Variants in CEP63 observed in about 807,000 individuals in gnomAD.
CEP63 encodes centrosomal protein of 63 kDa.
In CEP63, 84 loss-of-function variants were observed where a neutral mutation model predicts 89.1. The observed-to-expected ratio is 0.94, with a 90% CI of 0.79 to 1.13. The LOEUF (loss-of-function observed/expected upper bound fraction) is 1.13, where lower values mean the gene tolerates loss of function less well. Among genes scored for constraint, CEP63 ranks in the 50% most tolerant of loss-of-function variants. The probability of loss-of-function intolerance (pLI) is 0.00; values close to 1 mark genes in which losing one functional copy is unlikely to be tolerated. For synonymous variants in CEP63, 267 were observed against 272.5 expected (o/e 0.98, Z 0.20); for missense variants, 838 against 813.3 (o/e 1.03, Z -0.37).
intron 3 of CEP63, among the ~76,000 whole-genome samples, chr3:134,517,171 T>A (rs1946439373): frequency 6.6e-6 from 1 of 152,210 alleles, no homozygotes; most frequent in Non-Finnish European, 1.5e-5. Context: ...CCTTGCTCTC[T>A]GTGTCCTCAC....
At chr3:134,674,664 A>G in the CEP63 span, among the ~76,000 whole-genome samples, 1 of 152,220 alleles carries the variant, frequency 6.6e-6, no homozygotes, top group Admixed American at 6.5e-5. Context: ...ATGATCTTAT[A>G]TAATAAAAAT....
At chr3:134,698,468 T>C in the CEP63 span, among the ~76,000 whole-genome samples, 1 of 152,172 alleles carries the variant, frequency 6.6e-6, no homozygotes, top group Non-Finnish European at 1.5e-5. Context: ...GGCTGCCGTC[T>C]CCATCCTCCA....
chr3:134,678,605 A>G, the CEP63 span, among the ~76,000 whole-genome samples: 1 of 152,184 alleles, frequency 6.6e-6, no homozygotes, highest in Non-Finnish European at 1.5e-5. Flanking sequence ...CTCTTTATAT[A>G]TTAACTCATT....
the CEP63 span, among the ~76,000 whole-genome samples, chr3:134,632,492 AC>A: frequency 6.6e-6 from 1 of 152,172 alleles, no homozygotes; most frequent in Admixed American, 6.5e-5. Context: ...AAATTAACAT[AC>A]TTTCAAATCA....
the CEP63 span, among the ~76,000 whole-genome samples, chr3:134,631,307 A>C: frequency 1.3e-5 from 2 of 152,240 alleles, no homozygotes; most frequent in African/African-American, 4.8e-5. Context: ...AAAGAAAAAA[A>C]TATGGAAAGT....
At chr3:134,537,567 A>C (rs1951009798) in intron 6 of CEP63, among the ~76,000 whole-genome samples, 1 of 151,970 alleles carries the variant, frequency 6.6e-6, no homozygotes, top group South Asian at 2.1e-4. Flanking sequence ...TTGCTTACTC[A>C]GGCTCACTCT....
At chr3:134,628,815 A>G in the CEP63 span, among the ~76,000 whole-genome samples, 2 of 152,168 alleles carry the variant, frequency 1.3e-5, no homozygotes, top group South Asian at 4.1e-4. Flanking sequence ...CCAAGGTCAC[A>G]CAGCTGAAAC....
downstream of CEP63, among the ~76,000 whole-genome samples, chr3:134,589,897 C>G (rs762689349): frequency 6.6e-6 from 1 of 152,174 alleles, no homozygotes; most frequent in Admixed American, 6.5e-5. Flanking sequence ...TACATATACA[C>G]CATGGAATAC....
At chr3:134,736,258 G>A in the CEP63 span, among the ~76,000 whole-genome samples, 4 of 152,038 alleles carry the variant, frequency 2.6e-5, no homozygotes, top group African/African-American at 7.2e-5. Context: ...ATGAAATTTG[G>A]TGAAACATTA....
the CEP63 span, among the ~76,000 whole-genome samples, chr3:134,712,747 C>A: frequency 6.6e-6 from 1 of 152,190 alleles, no homozygotes; most frequent in Admixed American, 6.5e-5. Flanking sequence ...GACTTTGCTG[C>A]AGGGACGTCA....
chr3:134,546,035 C>A, intron 7 of CEP63, 114 bp from the exon 8 acceptor site: 1 of 1,182,440 alleles, frequency 8.5e-7, no homozygotes, highest in Non-Finnish European at 1.2e-6. Context: ...TTCCTGGCTT[C>A]TCGTGAAATA....
At chr3:134,635,278 C>T in the CEP63 span, among the ~76,000 whole-genome samples, 2 of 152,176 alleles carry the variant, frequency 1.3e-5, no homozygotes, top group Admixed American at 1.3e-4. Flanking sequence ...GGGTGGATCA[C>T]TTGAGGTCAG....
chr3:134,558,788 A>G (rs749096371), intron 13 of CEP63, among the ~76,000 whole-genome samples: 2 of 152,086 alleles, frequency 1.3e-5, no homozygotes, highest in Non-Finnish European at 2.9e-5. Context: ...TTCCTACCCA[A>G]AGCCTTTGCT....
chr3:134,756,501 G>A, the CEP63 span, among the ~76,000 whole-genome samples: 1 of 152,128 alleles, frequency 6.6e-6, no homozygotes, highest in Non-Finnish European at 1.5e-5. Context: ...CTGCAGGTGT[G>A]TGCCACCACA....
chr3:134,647,919 A>C, the CEP63 span, among the ~76,000 whole-genome samples: 1 of 152,200 alleles, frequency 6.6e-6, no homozygotes, highest in Admixed American at 6.5e-5. Context: ...CGTCAATCCC[A>C]ATGGGAATGG....
At chr3:134,525,832 G>T (rs549454266) in intron 3 of CEP63, among the ~76,000 whole-genome samples, 16 of 152,256 alleles carry the variant, frequency 1.1e-4, no homozygotes, top group African/African-American at 3.6e-4. Context: ...CCCTTTATAG[G>T]TGACCTGATC....
At chr3:134,668,779 T>A in the CEP63 span, among the ~76,000 whole-genome samples, 1 of 152,216 alleles carries the variant, frequency 6.6e-6, no homozygotes, top group Non-Finnish European at 1.5e-5. Flanking sequence ...CTTTCCATTT[T>A]TCCCTTGGAT....
chr3:134,495,766 TCTA>T (rs1345161426), intron 2 of CEP63, among the ~76,000 whole-genome samples: 1 of 152,192 alleles, frequency 6.6e-6, no homozygotes, highest in Non-Finnish European at 1.5e-5. Context: ...TAACCATCGT[TCTA>T]CTCTCTACCT....
chr3:134,777,738 C>A, the CEP63 span, among the ~76,000 whole-genome samples: 1 of 149,804 alleles, frequency 6.7e-6, no homozygotes, highest in South Asian at 2.1e-4. Flanking sequence ...CTCAGCCTCT[C>A]GAGTAGCTGG....
Sources: gnomAD v4.1 joint callset for allele counts (sites outside exome capture counted in the v4.1 genomes callset) on GRCh38, gnomAD v4.1.1 for gene constraint, MANE v1.5 for transcripts, NCBI Gene and HGNC (gene_info 2026-07-23, HGNC 2026-07-21) for gene names.